The following PRKAR1B variants were observed in gnomAD, a reference collection of about 807,000 sequenced individuals.
The protein encoded by PRKAR1B is cAMP-dependent protein kinase type I-beta regulatory subunit.
In PRKAR1B, 22 loss-of-function variants were observed where a neutral mutation model predicts 46.5. The observed-to-expected ratio is 0.47, with a 90% CI of 0.34 to 0.68. The LOEUF is 0.68. Among genes scored for constraint, PRKAR1B ranks in the 30% least tolerant of loss-of-function variants. The probability of loss-of-function intolerance (pLI) is 0.01; values close to 1 mark genes in which losing one functional copy is unlikely to be tolerated. For synonymous variants in PRKAR1B, 259 were observed against 217.7 expected (o/e 1.19, Z -1.67); for missense variants, 445 against 535.6 (o/e 0.83, Z 1.67).
At chr7:660,022 G>C (rs1345034744) in intron 4 of PRKAR1B, among the ~76,000 whole-genome samples, 1 of 152,092 alleles carries the variant, frequency 6.6e-6, no homozygotes, top group African/African-American at 2.4e-5. Flanking sequence ...TCTCCCTTTA[G>C]TGACAAAGGC....
chr7:665,874 G>A (rs957522857), intron 4 of PRKAR1B, among the ~76,000 whole-genome samples: 7 of 152,188 alleles, frequency 4.6e-5, no homozygotes, highest in Non-Finnish European at 1.0e-4. Context: ...GAGATACGCG[G>A]GTGGGAGGAA....
chr7:588,779 G>GAGGACAGCAATAGTGACGGATA lies in PRKAR1B; in HGVS notation c.709-4212_709-4211insTATCCGTCACTATTGCTGTCCT. On this transcript the variant is annotated intron_variant, in intron 7 of 10. Transcript: ENST00000537384. The stretch of plus-strand genomic sequence containing the variant: ...TGGTGATGGTGGTGATGGTGATGGT[G>GAGGACAGCAATAGTGACGGATA]GTGATGGTGGTGAGGATAGTGACAG... Among the ~76,000 whole-genome samples, 6 of 141,408 alleles carry GAGGACAGCAATAGTGACGGATA rather than the reference G, an allele frequency of 4.2e-5. 1 individual carries two copies. Among genetic ancestry groups the GAGGACAGCAATAGTGACGGATA allele is most frequent in the African/African-American group, 1.7e-4 (6 of 35,206 alleles). 92.8% of individuals were successfully genotyped at this position (141,408 alleles called of 152,430 possible). A position where few individuals can be genotyped will look rare whatever the true frequency, so the allele number is the denominator to read the frequency against.
At chr7:621,930 C>T (rs1191863208) in intron 4 of PRKAR1B, among the ~76,000 whole-genome samples, 6 of 152,206 alleles carry the variant, frequency 3.9e-5, no homozygotes, top group Middle Eastern at 3.2e-3. Flanking sequence ...CCCATGCAGC[C>T]GCTCCCCCAG....
chr7:711,075 CT>C (rs1402603057), intron 2 of PRKAR1B, among the ~76,000 whole-genome samples: 1 of 152,202 alleles, frequency 6.6e-6, no homozygotes. Context: ...CTGGAACCCC[CT>C]GGAAGCCGAA....
rs186825036 is a variant in PRKAR1B at position 584,574 on chromosome 7, C to T, written c.709-6G>A. 3.1e-4 allele frequency: 502 copies of T among 1,612,742 alleles called. 1 individual carries two copies. In the African/African-American group the frequency reaches 5.6e-3, roughly 18 times the overall value. The stretch of plus-strand genomic sequence containing the variant: ...CGTTTCCTCAGCGTGCTGCCCTGTT[C>T]GGGAGAAAGTAAAAAACAGACAAGA... On this transcript the variant is annotated splice_polypyrimidine_tract_variant and splice_region_variant and intron_variant, in intron 7 of 10. Transcript: ENST00000537384.
At chr7:728,335 CGTCCCAGTGAT>C (rs1176840407), upstream of PRKAR1B, among the ~76,000 whole-genome samples, 2 of 152,174 alleles carry the variant, frequency 1.3e-5, no homozygotes, top group East Asian at 1.9e-4. Context: ...CAGCTCAGGC[CGTCCCAGTGAT>C]GTCCCAGTGA....
chr7:599,066 A>G (rs1404646907), intron 6 of PRKAR1B, among the ~76,000 whole-genome samples: 1 of 152,208 alleles, frequency 6.6e-6, no homozygotes, highest in African/African-American at 2.4e-5. Context: ...CGCGCTGCCC[A>G]TGAGGCCTGG....
At position 551,465 on chromosome 7, in the gene PRKAR1B, G is replaced by T; in HGVS notation, c.897C>A (p.Thr299=). 5.1e-6 allele frequency: 8 copies of T among 1,553,766 alleles called. No individual in the cohort carries two copies. Among genetic ancestry groups the T allele is most frequent in the South Asian group, 1.2e-5 (1 of 84,436 alleles). Residue 299 remains threonine (T), a synonymous_variant, in exon 10 of 11, where the codon ACC becomes ACA. Transcript: ENST00000537384. ...GDDFYIITEG[T]ASVLQRRSPN... is the part of the protein sequence containing the mutation. Reference sequence around the variant, plus strand: ...GGGACCGGCGCTGCAGCACGGACGCGGTGCCCTGTGGGTGGAGGTGGACAG... The same window carrying T: ...GGGACCGGCGCTGCAGCACGGACGCTGTGCCCTGTGGGTGGAGGTGGACAG...
intron 10 of PRKAR1B, 106 bp from the exon 11 acceptor site, chr7:550,708 ATGTGCCAGGCAC>A: frequency 1.1e-6 from 1 of 930,228 alleles, no homozygotes; most frequent in Non-Finnish European, 1.6e-6. Context: ...TAAGGATAGG[ATGTGCCAGGCAC>A]ACGTGAATTT....
intron 9 of PRKAR1B, among the ~76,000 whole-genome samples, chr7:553,396 C>G (rs1207650519): frequency 6.6e-6 from 1 of 152,232 alleles, no homozygotes; most frequent in African/African-American, 2.4e-5. Context: ...TCCCTAGTCC[C>G]CGGAGGCAGG....
intron 4 of PRKAR1B, among the ~76,000 whole-genome samples, chr7:614,377 G>A (rs1261211921): frequency 2.0e-5 from 3 of 152,156 alleles, no homozygotes; most frequent in African/African-American, 4.8e-5. Flanking sequence ...AGAACGCCCC[G>A]TTTACATCCC....
Position 588,774 on chromosome 7 carries a change from ATGG to A in PRKAR1B, c.709-4209_709-4207del, listed in dbSNP as rs1329003293. ...GGTGATGGTGATGGTGGTGATGGTG[ATGG>A]TGGTGATGGTGGTGAGGATAGTGAC... On this transcript the variant is annotated intron_variant, in intron 7 of 10. Transcript: ENST00000537384. Among the ~76,000 whole-genome samples the A allele has an allele frequency of 5.5e-4, 32 of 58,080 alleles. 3 individuals carry two copies. Among genetic ancestry groups the A allele is most frequent in the African/African-American group, 1.7e-3 (26 of 15,678 alleles). The allele number at this position is 58,080 out of a possible 152,430, so 38.1% of individuals were successfully genotyped here.
At chr7:580,769 G>C (rs943903973) in intron 8 of PRKAR1B, among the ~76,000 whole-genome samples, 1 of 144,994 alleles carries the variant, frequency 6.9e-6, no homozygotes, top group Non-Finnish European at 1.5e-5. Context: ...AAAAACAAAC[G>C]TTTCCTGGCC....
chr7:556,118 G>C lies in PRKAR1B; in HGVS notation c.892-4648C>G, dbSNP rs28649270. On this transcript the variant is annotated intron_variant, in intron 9 of 10. Coordinates refer to ENST00000537384, the MANE Select transcript of PRKAR1B (RefSeq NM_001164760.2). The stretch of plus-strand genomic sequence containing the variant: ...CTCCTGGCTGTCTCCAAGCTCCCAG[G>C]CACCCCCAGGCCACCCTGCACCCCT... Among the ~76,000 whole-genome samples, 695 of 152,222 alleles carry C rather than the reference G, an allele frequency of 4.6e-3. 4 individuals are homozygous for C. The highest frequency in any genetic ancestry group is 5.6e-3 in the Non-Finnish European group (378 of 68,004).
intron 2 of PRKAR1B, among the ~76,000 whole-genome samples, chr7:710,643 CTTTTTTTT>C (rs1177446855): frequency 7.3e-6 from 1 of 137,630 alleles, no homozygotes; most frequent in Admixed American, 7.4e-5. Flanking sequence ...TTTCTTTTTC[CTTTTTTTT>C]TTTTTTTTTT....
chr7:664,693 G>A (rs1223180124), intron 4 of PRKAR1B, among the ~76,000 whole-genome samples: 4 of 151,978 alleles, frequency 2.6e-5, no homozygotes, highest in Non-Finnish European at 5.9e-5. Flanking sequence ...AGGATCGCTT[G>A]AGCCCAGGAG....
At chr7:626,277 A>T (rs1369083529) in intron 4 of PRKAR1B, among the ~76,000 whole-genome samples, 1 of 152,230 alleles carries the variant, frequency 6.6e-6, no homozygotes, top group Non-Finnish European at 1.5e-5. Context: ...AGATCACTTG[A>T]GGCCAGGCAT....
At chr7:553,252 GTC>G (rs1335895703) in intron 9 of PRKAR1B, among the ~76,000 whole-genome samples, 1 of 152,196 alleles carries the variant, frequency 6.6e-6, no homozygotes, top group Non-Finnish European at 1.5e-5. Context: ...CGGGGAAACG[GTC>G]TGTCCTCAAC....
chr7:693,658 G>A (rs879544204), intron 2 of PRKAR1B, among the ~76,000 whole-genome samples: 3 of 151,860 alleles, frequency 2.0e-5, no homozygotes, highest in South Asian at 4.2e-4. Context: ...GCTGACGGAC[G>A]TGCGAGGTTT....
Sources: allele counts gnomAD v4.1 joint callset (sites outside exome capture counted in the v4.1 genomes callset), GRCh38; gene constraint gnomAD v4.1.1; transcripts MANE v1.5; gene names NCBI Gene and HGNC (gene_info 2026-07-23, HGNC 2026-07-21).